ZNF638: variants seen among roughly 807,000 people sequenced by gnomAD.
ZNF638 encodes the protein zinc finger protein 638, also known as CTCL tumor antigen se33-1.
Under a neutral mutation model 195.6 loss-of-function variants are expected in ZNF638, and 46 were observed. The ratio of observed to expected loss-of-function variants is 0.24; its 90% CI spans 0.19 to 0.30. The LOEUF (loss-of-function observed/expected upper bound fraction) is 0.30. ZNF638 is among the 10% of genes least tolerant of loss of function. ZNF638 has a pLI of 1.00. For synonymous variants in ZNF638, 845 were observed against 772.0 expected, an observed-to-expected ratio of 1.09 and a Z score of -1.57; for missense variants, 2,440 against 2,325.3, an observed-to-expected ratio of 1.05 and a Z score of -1.01.
At chr2:71,406,399 G>T in intron 19 of ZNF638, 137 bp downstream of exon 19, 1 of 757,312 alleles carries the variant, frequency 1.3e-6, no homozygotes, top group Non-Finnish European at 2.1e-6. Context: ...TTATAAACCA[G>T]AATATTTTAT....
chr2:71,434,625 T>C (rs2080730505), intron 27 of ZNF638, 117 bp from the exon 28 acceptor site: 2 of 832,966 alleles, frequency 2.4e-6, no homozygotes, highest in South Asian at 3.4e-5. Context: ...AGGCACTGTG[T>C]TTATAATATT....
chr2:71,366,855 T>A (rs1307393072), intron 6 of ZNF638, among the ~76,000 whole-genome samples: 1 of 152,182 alleles, frequency 6.6e-6, no homozygotes, highest in African/African-American at 2.4e-5. Context: ...AAGGTATTGT[T>A]TTATTGTATG....
At chr2:71,408,713 T>A (rs1206723847) in intron 20 of ZNF638, 1 of 451,570 alleles carries the variant, frequency 2.2e-6, no homozygotes, top group African/African-American at 2.0e-5. Context: ...ATAGTCCACC[T>A]TTGAAAGCAT....
At chr2:71,400,715 A>T (rs986959141) in intron 15 of ZNF638, among the ~76,000 whole-genome samples, 197 bp downstream of exon 15, 6 of 152,200 alleles carry the variant, frequency 3.9e-5, no homozygotes, top group Admixed American at 3.3e-4. Flanking sequence ...TGAGGTGCAG[A>T]GTAAGTCACA....
rs1472041104 is a variant in ZNF638, at chr2:71,427,013, T to G, written c.5144T>G (p.Val1715Gly). The change falls in exon 24 of 28, where the codon GTA becomes GGA. Residue 1715 changes from valine to glycine, a missense_variant. By Grantham distance (109) the Val-to-Gly change is moderately radical (BLOSUM62 -3). Around this residue, in one of 5 missense-constraint regions of ZNF638, gnomAD observed 1,883 missense variants for 1,739.1 expected, o/e 1.08. Coordinates refer to ENST00000264447, the MANE Select transcript of ZNF638 (RefSeq NM_014497.5). ...LNTKGNEGDTVRDSIGFISSQ... is the reference protein window; with the variant it reads ...LNTKGNEGDTGRDSIGFISSQ... ...ACTAAAGGAAATGAAGGAGATACTG[T>G]AAGGGATTCCATTGGCTTCATTTCT... is the stretch of plus-strand genomic sequence containing the variant. The G allele has an allele frequency of 1.2e-5, 20 of 1,613,224 alleles. No individual in the cohort carries two copies. Among genetic ancestry groups the G allele is most frequent in the Admixed American group, 1.7e-5 (1 of 59,830 alleles).
At chr2:71,337,697 C>T (rs1218026482) in intron 1 of ZNF638, among the ~76,000 whole-genome samples, 5 of 152,166 alleles carry the variant, frequency 3.3e-5, no homozygotes, top group African/African-American at 7.2e-5. Flanking sequence ...TGAGCCAATG[C>T]GCAGCCTATA....
In ZNF638 at chr2:71,408,213, C is replaced by A; in HGVS notation, c.3227C>A (p.Thr1076Asn). 6.2e-7 allele frequency: 1 copy of A among 1,612,970 alleles called. No homozygotes were observed. Among genetic ancestry groups the A allele is most frequent in the Non-Finnish European group, 8.5e-7 (1 of 1,179,460 alleles). The change falls in exon 20 of 28, where the codon ACC becomes AAC. Residue 1076 changes from threonine to asparagine, a missense_variant. Physicochemically the swap from Thr to Asn is moderately conservative, Grantham distance 65 (BLOSUM62 0). Around this residue, in one of 5 missense-constraint regions of ZNF638, gnomAD observed 1,883 missense variants for 1,739.1 expected, o/e 1.08. Coordinates refer to ENST00000264447, the MANE Select transcript of ZNF638 (RefSeq NM_014497.5). ...CAAAATATTGGTGACCATATGTTGACCTGCTCATTATCTCCAAAGATAGAC... is the reference window on the plus strand; with the variant it reads ...CAAAATATTGGTGACCATATGTTGAACTGCTCATTATCTCCAAAGATAGAC... Reference protein sequence around the residue: ...NPQNIGDHMLTCSLSPKIDLP... With the variant: ...NPQNIGDHMLNCSLSPKIDLP...
At chr2:71,375,974 T>C (rs1201341029) in intron 8 of ZNF638, 2 of 152,226 alleles carry the variant, frequency 1.3e-5, no homozygotes, top group Non-Finnish European at 2.9e-5. Flanking sequence ...TTGGAATTGT[T>C]GAGAAGGCCA....
intron 16 of ZNF638, among the ~76,000 whole-genome samples, chr2:71,403,007 CTAAAACCCATTGCATTGTG>C (rs1339809261): frequency 1.3e-5 from 2 of 152,084 alleles, no homozygotes; most frequent in Non-Finnish European, 2.9e-5. Context: ...AGTAAATACA[CTAAAACCCATTGCATTGTG>C]TACAGTGGTT....
intron 16 of ZNF638, 85 bp downstream of exon 16, chr2:71,402,172 G>T (rs1573125126): frequency 1.4e-6 from 2 of 1,411,570 alleles, no homozygotes; most frequent in East Asian, 4.9e-5. Context: ...AAAAAGAAAA[G>T]GTTTAAAAGC....
intron 20 of ZNF638, among the ~76,000 whole-genome samples, chr2:71,411,456 T>A (rs1323919715): frequency 1.7e-5 from 2 of 117,434 alleles, no homozygotes; most frequent in African/African-American, 2.8e-5. Context: ...TTTATTTATT[T>A]TTTATTTTTT....
At chr2:71,420,367 CAG>C (rs1241907920) in intron 21 of ZNF638, among the ~76,000 whole-genome samples, 12 of 152,204 alleles carry the variant, frequency 7.9e-5, no homozygotes, top group East Asian at 3.9e-4. Flanking sequence ...GATATGTAAA[CAG>C]ATTTTATTTA....
intron 26 of ZNF638, among the ~76,000 whole-genome samples, chr2:71,432,211 T>A (rs971601818): frequency 2.0e-5 from 3 of 152,178 alleles, no homozygotes; most frequent in African/African-American, 7.2e-5. Context: ...TTTATTATAT[T>A]TTATTTTGAG....
At chr2:71,332,344 A>G (rs564502757) in intron 1 of ZNF638, among the ~76,000 whole-genome samples, 1 of 152,286 alleles carries the variant, frequency 6.6e-6, no homozygotes, top group Non-Finnish European at 1.5e-5. Context: ...GTGGAGTTTG[A>G]GCCGAGCCCT....
intron 2 of ZNF638, among the ~76,000 whole-genome samples, chr2:71,353,633 GAA>G (rs1294881522): frequency 2.6e-5 from 4 of 152,310 alleles, no homozygotes; most frequent in African/African-American, 9.6e-5. Flanking sequence ...GTTGAACTGA[GAA>G]GAGTATATCT....
At chr2:71,376,942 G>A (rs1480362453) in intron 8 of ZNF638, among the ~76,000 whole-genome samples, 1 of 152,018 alleles carries the variant, frequency 6.6e-6, no homozygotes, top group Non-Finnish European at 1.5e-5. Context: ...TTTTTCCCAG[G>A]GAAAGGGCCA....
At chr2:71,340,940 G>T (rs865886033) in intron 1 of ZNF638, among the ~76,000 whole-genome samples, 11 of 152,268 alleles carry the variant, frequency 7.2e-5, no homozygotes, top group Middle Eastern at 3.4e-3. Context: ...CAAAAGTATG[G>T]TGTTTGATAT....
intron 1 of ZNF638, among the ~76,000 whole-genome samples, chr2:71,346,350 A>G (rs2078850557): frequency 6.6e-6 from 1 of 152,224 alleles, no homozygotes; most frequent in South Asian, 2.1e-4. Flanking sequence ...ACAATTTCAT[A>G]TGATTCATGA....
Position 71,401,711 on chromosome 2 carries a change from C to T in ZNF638, c.2698-245C>T, listed in dbSNP as rs576987945. On this transcript the variant is annotated intron_variant, in intron 15 of 27. Coordinates refer to ENST00000264447, the MANE Select transcript of ZNF638 (RefSeq NM_014497.5). ...AAAAAACAGTGGGTGAAAAAGAGTC[C>T]AGCAGACCTCGACTAGATGACAGAT... Among the ~76,000 whole-genome samples the T allele has an allele frequency of 5.9e-5, 9 of 151,816 alleles. No homozygotes were observed. In the South Asian group the frequency reaches 1.3e-3, roughly 21 times the overall value.
Sources: allele counts gnomAD v4.1 joint callset (sites outside exome capture counted in the v4.1 genomes callset), GRCh38; gene constraint gnomAD v4.1.1; regional missense constraint gnomAD v4.1.1; transcripts MANE v1.5; gene names NCBI Gene and HGNC (gene_info 2026-07-23, HGNC 2026-07-21).